BLTP1: variants seen among roughly 807,000 people sequenced by gnomAD.
BLTP1 encodes the protein fragile site-associated protein.
chr4:122,256,175 C>T, the BLTP1 span: 7 of 984,830 alleles, frequency 7.1e-6, no homozygotes, highest in Non-Finnish European at 8.4e-6. Flanking sequence ...ACCAATGTAT[C>T]AGTATTATTA....
chr4:122,165,137 C>T, the BLTP1 span, among the ~76,000 whole-genome samples: 10 of 151,844 alleles, frequency 6.6e-5, no homozygotes, highest in Admixed American at 1.3e-4. Flanking sequence ...TAGTTACATA[C>T]GTGTACATGT....
the BLTP1 span, chr4:122,351,317 C>CT: frequency 1.4e-5 from 9 of 648,500 alleles, no homozygotes; most frequent in Non-Finnish European, 1.7e-5. Flanking sequence ...ACTGTGAACA[C>CT]CTTAGAGCAT....
At chr4:122,359,411 T>TTATTTTAAAAATAA in the BLTP1 span, 1 of 1,352,140 alleles carries the variant, frequency 7.4e-7, no homozygotes, top group Non-Finnish European at 9.7e-7. Context: ...TACTTATGGC[T>TTATTTTAAAAATAA]TATTTTAAAA....
chr4:122,189,385 G>A, the BLTP1 span: 14 of 983,168 alleles, frequency 1.4e-5, no homozygotes, highest in Non-Finnish European at 1.7e-5. Context: ...AATTATTGAT[G>A]GTAGAAAAAC....
the BLTP1 span, chr4:122,287,524 GAC>G: frequency 3.2e-5 from 31 of 976,848 alleles, no homozygotes; most frequent in Non-Finnish European, 3.5e-5. Flanking sequence ...TCTGCCTTCA[GAC>G]ACACTGTGCT....
At chr4:122,307,110 A>G in the BLTP1 span, among the ~76,000 whole-genome samples, 1 of 152,052 alleles carries the variant, frequency 6.6e-6, no homozygotes, top group Non-Finnish European at 1.5e-5. Context: ...GGATTTTTTC[A>G]GATTTTGGTA....
chr4:122,163,844 G>A, the BLTP1 span, among the ~76,000 whole-genome samples: 6 of 152,270 alleles, frequency 3.9e-5, no homozygotes, highest in South Asian at 1.2e-3. Flanking sequence ...GAACAATATA[G>A]TCTGAAGCAG....
the BLTP1 span, chr4:122,215,305 C>T: frequency 1.1e-6 from 1 of 906,354 alleles, no homozygotes; most frequent in East Asian, 1.2e-4. Context: ...TAATAATCTA[C>T]AGGAATCTAA....
At chr4:122,334,268 AC>A in the BLTP1 span, 3 of 1,297,392 alleles carry the variant, frequency 2.3e-6, no homozygotes, top group Non-Finnish European at 3.2e-6. Flanking sequence ...TGTTCTTTCT[AC>A]CACATTTTTC....
At chr4:122,193,595 C>A in the BLTP1 span, 57 of 623,062 alleles carry the variant, frequency 9.1e-5, no homozygotes, top group Non-Finnish European at 1.0e-4. Flanking sequence ...GGGACATTTA[C>A]CATTAAATAT....
the BLTP1 span, chr4:122,238,429 T>C: frequency 1.7e-6 from 2 of 1,177,710 alleles, no homozygotes; most frequent in South Asian, 1.4e-5. Context: ...AAAAACTTCT[T>C]CCCTCTCCAC....
chr4:122,350,400 T>A, the BLTP1 span: 1 of 984,702 alleles, frequency 1.0e-6, no homozygotes, highest in African/African-American at 1.7e-5. Flanking sequence ...TTGGATTTAT[T>A]AGGTGATAAG....
At chr4:122,228,915 CTTA>C in the BLTP1 span, among the ~76,000 whole-genome samples, 1 of 152,058 alleles carries the variant, frequency 6.6e-6, no homozygotes, top group East Asian at 1.9e-4. Flanking sequence ...TGCATGCTTA[CTTA>C]TTGTTTTCTA....
At chr4:122,267,598 G>A in the BLTP1 span, 1 of 971,912 alleles carries the variant, frequency 1.0e-6, no homozygotes, top group Non-Finnish European at 1.2e-6. Context: ...GTTCTGGGTT[G>A]ACGTGTCAGG....
At chr4:122,195,084 C>T in the BLTP1 span, among the ~76,000 whole-genome samples, 1 of 152,128 alleles carries the variant, frequency 6.6e-6, no homozygotes, top group African/African-American at 2.4e-5. Flanking sequence ...ATAGTAAGGA[C>T]AGTTTTCTTA....
At chr4:122,343,668 GCTTT>G in the BLTP1 span, 1 of 1,566,846 alleles carries the variant, frequency 6.4e-7, no homozygotes, top group Non-Finnish European at 8.7e-7. Flanking sequence ...AAGCTTTCAA[GCTTT>G]ATTTTCATAA....
the BLTP1 span, among the ~76,000 whole-genome samples, chr4:122,160,780 C>A: frequency 6.6e-6 from 1 of 152,062 alleles, no homozygotes; most frequent in Admixed American, 6.6e-5. Context: ...TCAGGCAGAT[C>A]TTTTGTTTTG....
chr4:122,314,997 TTTC>T, the BLTP1 span, among the ~76,000 whole-genome samples: 1 of 152,152 alleles, frequency 6.6e-6, no homozygotes, highest in African/African-American at 2.4e-5. Flanking sequence ...GCTACTTGTT[TTTC>T]TTCTTCTTCT....
At chr4:122,341,820 A>G in the BLTP1 span, 1 of 985,316 alleles carries the variant, frequency 1.0e-6, no homozygotes, top group Admixed American at 6.2e-5. Flanking sequence ...GAAACAAGTA[A>G]TAGCCCAGCA....
Sources: allele counts gnomAD v4.1 joint callset (sites outside exome capture counted in the v4.1 genomes callset), GRCh38; gene constraint gnomAD v4.1.1; transcripts MANE v1.5; gene names NCBI Gene and HGNC (gene_info 2026-07-23, HGNC 2026-07-21).